KANSL3: variants seen among roughly 807,000 people sequenced by gnomAD.
KANSL3 encodes KAT8 regulatory NSL complex subunit 3, also known as NSL complex protein NSL3.
In KANSL3, 16 loss-of-function variants were observed where a neutral mutation model predicts 89.2. That is an observed-to-expected ratio of 0.18 (90% CI 0.12 to 0.27). The LOEUF (loss-of-function observed/expected upper bound fraction) is 0.27. Ranked by LOEUF, KANSL3 falls within the 10% of genes least tolerant of loss-of-function variation. KANSL3 has a pLI of 1.00. For missense variants in KANSL3, 879 were observed against 1,110.6 expected (o/e 0.79, Z 2.96); for synonymous variants, 385 against 419.7 (o/e 0.92, Z 1.01).
chr2:96,611,569 G>A (rs2068953598), intron 9 of KANSL3, among the ~76,000 whole-genome samples: 1 of 152,202 alleles, frequency 6.6e-6, no homozygotes, highest in Non-Finnish European at 1.5e-5. Context: ...ATTTCTTGGA[G>A]CAAACTGCTA....
chr2:96,631,638 T>TC, intron 2 of KANSL3, 156 bp from the exon 3 acceptor site: 1 of 836,780 alleles, frequency 1.2e-6, no homozygotes, highest in Non-Finnish European at 2.0e-6. Flanking sequence ...AAGTCATCTT[T>TC]CCCACACTTG....
intron 20 of KANSL3, among the ~76,000 whole-genome samples, chr2:96,597,406 G>A (rs916567649): frequency 2.6e-5 from 4 of 152,152 alleles, no homozygotes; most frequent in Non-Finnish European, 1.5e-5. Context: ...AAGGATAGGT[G>A]ATTTGCCCAG....
intron 5 of KANSL3, among the ~76,000 whole-genome samples, chr2:96,617,192 G>A (rs1223671020): frequency 2.0e-5 from 3 of 152,106 alleles, no homozygotes; most frequent in African/African-American, 7.2e-5. Context: ...AGCAGTACAG[G>A]GGAAAGTCTG....
At chr2:96,583,007 T>G in the KANSL3 span, among the ~76,000 whole-genome samples, 1 of 152,200 alleles carries the variant, frequency 6.6e-6, no homozygotes, top group Non-Finnish European at 1.5e-5. Context: ...GAGTATCCCC[T>G]CACTTTCCAG....
intron 11 of KANSL3, 73 bp from the exon 12 acceptor site, chr2:96,609,635 T>A: frequency 7.2e-7 from 1 of 1,391,966 alleles, no homozygotes; most frequent in Non-Finnish European, 1.0e-6. Flanking sequence ...AGAACGTATT[T>A]CTTTTCTGGG....
At chr2:96,582,218 T>G in the KANSL3 span, among the ~76,000 whole-genome samples, 2 of 152,130 alleles carry the variant, frequency 1.3e-5, no homozygotes, top group East Asian at 1.9e-4. Flanking sequence ...GTAAGGCTGG[T>G]GAAACCCCGT....
intron 3 of KANSL3, among the ~76,000 whole-genome samples, chr2:96,624,154 T>C (rs1306897300): frequency 6.6e-6 from 1 of 152,216 alleles, no homozygotes; most frequent in Non-Finnish European, 1.5e-5. Context: ...GCCTTGGAAC[T>C]GGGAAGGTTT....
At chr2:96,628,130 A>G in intron 3 of KANSL3, 2 of 1,290,018 alleles carry the variant, frequency 1.6e-6, no homozygotes, top group Non-Finnish European at 1.0e-6. Flanking sequence ...GTGTTTCTCT[A>G]AAGGACAGGC....
chr2:96,624,707 A>C (rs1006208592), intron 3 of KANSL3, among the ~76,000 whole-genome samples: 137 of 152,128 alleles, frequency 9.0e-4, no homozygotes, highest in African/African-American at 3.1e-3. Flanking sequence ...TTTTTAGTAG[A>C]GGCGAGGTTT....
intron 3 of KANSL3, chr2:96,628,246 C>CT: frequency 2.0e-6 from 2 of 985,396 alleles, no homozygotes; most frequent in Non-Finnish European, 2.4e-6. Context: ...CTCCACTCAT[C>CT]TATTCACTTC....
At chr2:96,612,701 T>G in intron 7 of KANSL3, 117 bp downstream of exon 7, 9 of 1,073,990 alleles carry the variant, frequency 8.4e-6, no homozygotes, top group Non-Finnish European at 1.1e-5. Context: ...AAAGAAGGGT[T>G]AGAGGAGGCT....
chr2:96,618,815 C>T (rs1191505041), intron 5 of KANSL3, among the ~76,000 whole-genome samples: 1 of 152,260 alleles, frequency 6.6e-6, no homozygotes, highest in African/African-American at 2.4e-5. Flanking sequence ...GATGCAATCA[C>T]TGGAATCACC....
At chr2:96,602,981 C>T (rs1161311413) in intron 17 of KANSL3, 119 bp from the exon 18 acceptor site, 2 of 841,630 alleles carry the variant, frequency 2.4e-6, no homozygotes, top group Non-Finnish European at 3.7e-6. Context: ...CCCTTGGACA[C>T]CCGTCCTCAG....
chr2:96,605,344 G>A lies in KANSL3; in HGVS notation c.1909C>T (p.Pro637Ser). The A allele has an allele frequency of 6.2e-7, 1 of 1,611,604 alleles. No homozygotes were observed. The highest frequency in any genetic ancestry group is 8.5e-7 in the Non-Finnish European group (1 of 1,178,678). Residue 637 changes from proline (P) to serine (S), a missense_variant, in exon 15 of 21, where the codon CCT becomes TCT. This residue lies in a region of KANSL3 where 317 missense variants were observed against 311.2 expected (regional missense o/e 1.02). Coordinates refer to ENST00000431828, the MANE Select transcript of KANSL3 (RefSeq NM_001115016.3). The part of the protein sequence containing the change: ...QGDTAGGPCA[P>S]SQGSAPEAAG... ...CCTTCTGGAGCACTTCCTTGGGAAG[G>A]AGCACAAGGCCCTCCAGCTGTGTCC...
At chr2:96,626,024 A>G (rs1030867395) in intron 3 of KANSL3, among the ~76,000 whole-genome samples, 2 of 152,072 alleles carry the variant, frequency 1.3e-5, no homozygotes, top group Non-Finnish European at 2.9e-5. Context: ...TTCCTTTCTT[A>G]GATGAGATCA....
chr2:96,615,632 C>G, intron 5 of KANSL3: 1 of 524,750 alleles, frequency 1.9e-6, no homozygotes, highest in Non-Finnish European at 3.1e-6. Context: ...AAAAGTACTA[C>G]GGTTTGATGC....
Position 96,610,983 on chromosome 2 carries a change from C to T in KANSL3, c.1161+81G>A, listed in dbSNP as rs948484510. 1.1e-5 allele frequency: 17 copies of T among 1,577,420 alleles called. No homozygotes were observed. The African/African-American group carries it at 2.0e-4, about 19-fold the overall frequency. On this transcript the variant is annotated intron_variant, in intron 10 of 20. Transcript: ENST00000431828. ...GATCAGCCATGCAACTGCAGTCAGCCTCAGCATCAGCTTGGACAAGGCATG... is the reference window on the plus strand; with the variant it reads ...GATCAGCCATGCAACTGCAGTCAGCTTCAGCATCAGCTTGGACAAGGCATG...
chr2:96,626,282 T>C (rs1395316648), intron 3 of KANSL3, among the ~76,000 whole-genome samples: 1 of 151,192 alleles, frequency 6.6e-6, no homozygotes, highest in African/African-American at 2.4e-5. Flanking sequence ...TCAACAGTCA[T>C]ACTTTCCTTT....
Position 96,608,498 on chromosome 2 carries a change from G to C in KANSL3, c.1741+10C>G. 1.9e-6 allele frequency: 3 copies of C among 1,613,908 alleles called. No individual in the cohort carries two copies. Among genetic ancestry groups the C allele is most frequent in the Non-Finnish European group, 2.5e-6 (3 of 1,179,810 alleles). ...AGACCCAAGAGGAGCCACTGGCCAA[G>C]TGCCTATACCTTGAGCTTGTTTGTG... On this transcript the variant is annotated intron_variant, in intron 14 of 20. Coordinates refer to ENST00000431828, the MANE Select transcript of KANSL3 (RefSeq NM_001115016.3).
Sources: gnomAD v4.1 joint callset for allele counts (sites outside exome capture counted in the v4.1 genomes callset) on GRCh38, gnomAD v4.1.1 for gene constraint, gnomAD v4.1.1 regional missense constraint, MANE v1.5 for transcripts, NCBI Gene and HGNC (gene_info 2026-07-23, HGNC 2026-07-21) for gene names.